The following ZNF644 variants were observed in gnomAD, a reference collection of about 807,000 sequenced individuals.
ZNF644 encodes zinc finger protein 644.
A neutral mutation model predicts 108.0 loss-of-function variants in ZNF644; 20 were observed. The ratio of observed to expected loss-of-function variants is 0.19; its 90% CI spans 0.13 to 0.27. The LOEUF is 0.27. Ranked by LOEUF, ZNF644 falls within the 10% of genes least tolerant of loss-of-function variation. The pLI, the probability that ZNF644 is intolerant of heterozygous loss-of-function variation, is 1.00. For synonymous variants in ZNF644, 542 were observed against 539.1 expected, an observed-to-expected ratio of 1.01 and a Z score of -0.08; for missense variants, 1,338 against 1,548.9, an observed-to-expected ratio of 0.86 and a Z score of 2.29.
intron 2 of ZNF644, 129 bp downstream of exon 2, chr1:90,982,181 T>C: frequency 2.8e-6 from 2 of 716,498 alleles, no homozygotes; most frequent in South Asian, 3.4e-5. Flanking sequence ...AAAAAGTCAA[T>C]TATTTGCATT....
chr1:90,977,774 T>C (rs1020125868), intron 2 of ZNF644, among the ~76,000 whole-genome samples: 8 of 152,166 alleles, frequency 5.3e-5, no homozygotes, highest in Admixed American at 4.6e-4. Context: ...CCATCAAAAA[T>C]ATTTATTGCA....
intron 1 of ZNF644, among the ~76,000 whole-genome samples, chr1:90,996,861 T>C (rs1049557819): frequency 2.6e-5 from 4 of 152,120 alleles, no homozygotes; most frequent in Non-Finnish European, 5.9e-5. Context: ...TAGTACCTCA[T>C]TCCCAGAGAA....
In ZNF644 at chr1:90,935,278, T is replaced by C. The variant is rs956566777; in HGVS notation, c.3688+2207A>G. 13 of 723,840 alleles carry C rather than the reference T, an allele frequency of 1.8e-5. No homozygotes were observed. In the African/African-American group the frequency reaches 2.3e-4, roughly 13 times the overall value. 44.8% of individuals were successfully genotyped at this position (723,840 alleles called of 1,614,324 possible). On this transcript the variant is annotated intron_variant, in intron 4 of 5. Coordinates refer to ENST00000337393, the MANE Select transcript of ZNF644 (RefSeq NM_201269.3). ...CAGTTTACAAGTTGCTGAAATTCAA[T>C]GGGTATTCAGACTCAAATGCAGCTT...
At chr1:90,931,287 A>G (rs980370124) in intron 4 of ZNF644, among the ~76,000 whole-genome samples, 1 of 151,810 alleles carries the variant, frequency 6.6e-6, no homozygotes, top group African/African-American at 2.4e-5. Context: ...TGAAAACTAT[A>G]TAATGTTCTC....
intron 1 of ZNF644, among the ~76,000 whole-genome samples, chr1:91,003,529 C>T (rs190924463): frequency 1.1e-4 from 16 of 149,794 alleles, no homozygotes; most frequent in Admixed American, 1.1e-3. Flanking sequence ...TGGGGCCTGT[C>T]GTGGGGTGGG....
rs1651723553 is a variant in ZNF644 at position 90,939,510 on chromosome 1, T to A, written c.1844A>T (p.Asp615Val). The change falls in exon 3 of 6, where the codon GAT becomes GTT. Residue 615 changes from aspartate (D) to valine (V), a missense_variant. Physicochemically the swap from Asp to Val is radical, Grantham distance 152. Around this residue, in one of 6 missense-constraint regions of ZNF644, gnomAD observed 462 missense variants for 472.6 expected, o/e 0.98. Transcript: ENST00000337393. ...AAGTCCAAGAGGACTACCAAATGAATCAACACATGATGATGAATGCAAGTA... is the reference window on the plus strand; with the variant it reads ...AAGTCCAAGAGGACTACCAAATGAAACAACACATGATGATGAATGCAAGTA... ...TEYLHSSSCVDSFGSPLGLDK... is the reference protein window; with the variant it reads ...TEYLHSSSCVVSFGSPLGLDK... 6.2e-7 allele frequency: 1 copy of A among 1,613,920 alleles called. No homozygotes were observed.
chr1:90,951,336 A>G (rs1009931999), intron 2 of ZNF644, among the ~76,000 whole-genome samples: 1 of 152,202 alleles, frequency 6.6e-6, no homozygotes, highest in Non-Finnish European at 1.5e-5. Context: ...GGACCTACAG[A>G]GAGATACTAC....
chr1:90,937,145 C>T (rs1184422088), intron 4 of ZNF644, among the ~76,000 whole-genome samples: 1 of 152,084 alleles, frequency 6.6e-6, no homozygotes, highest in East Asian at 1.9e-4. Flanking sequence ...GAACATCAAC[C>T]TCCCATCCAC....
intron 1 of ZNF644, among the ~76,000 whole-genome samples, chr1:90,986,364 G>A (rs1422030433): frequency 2.6e-5 from 4 of 150,976 alleles, no homozygotes; most frequent in Non-Finnish European, 1.5e-5. Context: ...CAAAAACAAA[G>A]TCTTCAGAAA....
At chr1:90,918,011 G>A in intron 5 of ZNF644, 41 bp downstream of exon 5, 1 of 1,511,188 alleles carries the variant, frequency 6.6e-7, no homozygotes, top group African/African-American at 1.4e-5. Flanking sequence ...TCAAAGCAAA[G>A]TATGAAGAAA....
chr1:90,921,046 G>A (rs1649374381), intron 4 of ZNF644, among the ~76,000 whole-genome samples: 1 of 151,936 alleles, frequency 6.6e-6, no homozygotes, highest in African/African-American at 2.4e-5. Context: ...TATTAAAACT[G>A]CACAAAAAGG....
intron 2 of ZNF644, among the ~76,000 whole-genome samples, chr1:90,962,193 T>C (rs1654400122): frequency 6.6e-6 from 1 of 152,020 alleles, no homozygotes; most frequent in Non-Finnish European, 1.5e-5. Flanking sequence ...TAAAAATTTA[T>C]GGAAAGCAAT....
At chr1:90,982,276 A>C in intron 2 of ZNF644, 34 bp downstream of exon 2, 1 of 1,550,686 alleles carries the variant, frequency 6.4e-7, no homozygotes, top group Non-Finnish European at 8.9e-7. Flanking sequence ...TCCTACCTTG[A>C]TATGTACATT....
chr1:90,971,126 C>G (rs1051481440), intron 2 of ZNF644, among the ~76,000 whole-genome samples: 15 of 150,108 alleles, frequency 1.0e-4, no homozygotes, highest in African/African-American at 3.7e-4. Flanking sequence ...AGATTGAGAA[C>G]CTCAAACAAA....
chr1:91,007,200 A>C (rs1432454692), intron 1 of ZNF644, among the ~76,000 whole-genome samples: 1 of 77,598 alleles, frequency 1.3e-5, no homozygotes, highest in Non-Finnish European at 2.8e-5. Flanking sequence ...AATTATTCTT[A>C]ATTTCTTCCA....
At chr1:90,950,391 G>C (rs114872095) in intron 2 of ZNF644, among the ~76,000 whole-genome samples, 1 of 149,342 alleles carries the variant, frequency 6.7e-6, no homozygotes, top group Non-Finnish European at 1.5e-5. Flanking sequence ...TGTTGTTATT[G>C]TTAGTAGTTT....
At chr1:91,015,290 C>G (rs574397522) in intron 1 of ZNF644, among the ~76,000 whole-genome samples, 5 of 152,074 alleles carry the variant, frequency 3.3e-5, no homozygotes, top group Non-Finnish European at 7.4e-5. Context: ...CATACCAGCA[C>G]AGACATATAC....
At chr1:90,955,093 G>C (rs1215673275) in intron 2 of ZNF644, among the ~76,000 whole-genome samples, 1 of 152,162 alleles carries the variant, frequency 6.6e-6, no homozygotes, top group Admixed American at 6.5e-5. Context: ...CTCCATCAGA[G>C]ATCTTGGATG....
intron 1 of ZNF644, among the ~76,000 whole-genome samples, chr1:91,015,008 AT>A (rs1660310827): frequency 6.6e-6 from 1 of 152,226 alleles, no homozygotes; most frequent in Admixed American, 6.5e-5. Flanking sequence ...TAGATGCTTA[AT>A]TAACGTCATC....
Sources: gnomAD v4.1 joint callset for allele counts (sites outside exome capture counted in the v4.1 genomes callset) on GRCh38, gnomAD v4.1.1 for gene constraint, gnomAD v4.1.1 regional missense constraint, MANE v1.5 for transcripts, NCBI Gene and HGNC (gene_info 2026-07-23, HGNC 2026-07-21) for gene names.